Variants in HECW2 observed in about 807,000 individuals in gnomAD.
HECW2 encodes the protein HECT, C2 and WW domain containing E3 ubiquitin protein ligase 2.
A neutral mutation model predicts 175.2 loss-of-function variants in HECW2; 61 were observed. That is an observed-to-expected ratio of 0.35 (90% CI 0.28 to 0.43). The LOEUF is 0.43. HECW2 is among the 20% of genes least tolerant of loss of function. HECW2 has a pLI of 1.00. For missense variants in HECW2, 1,524 were observed against 2,000.5 expected, an observed-to-expected ratio of 0.76 and a Z score of 4.54; for synonymous variants, 671 against 731.0, an observed-to-expected ratio of 0.92 and a Z score of 1.32.
intron 2 of HECW2, among the ~76,000 whole-genome samples, chr2:196,391,756 G>A (rs1481517755): frequency 2.0e-5 from 3 of 152,164 alleles, no homozygotes; most frequent in Non-Finnish European, 4.4e-5. Context: ...CATACTTCCA[G>A]AATCTAGAAG....
rs1218784348 is a variant in HECW2, at chr2:196,343,650, T to C, written c.400+7A>G. 6.4e-7 allele frequency: 1 copy of C among 1,563,430 alleles called. No individual in the cohort carries two copies. Among genetic ancestry groups the C allele is most frequent in the Admixed American group, 1.7e-5 (1 of 59,834 alleles). ...AATAAGTTTATATTTCACACTTAGTTACTTACGTTCCATGAAATAGGGCCC... is the reference window on the plus strand; with the variant it reads ...AATAAGTTTATATTTCACACTTAGTCACTTACGTTCCATGAAATAGGGCCC... On this transcript the variant is annotated splice_region_variant and intron_variant, in intron 3 of 28. Transcript: ENST00000644978.
intron 1 of HECW2, among the ~76,000 whole-genome samples, chr2:196,555,079 G>A (rs371809788): frequency 2.6e-5 from 4 of 152,190 alleles, no homozygotes; most frequent in Admixed American, 2.0e-4. Context: ...GATAAATATG[G>A]CCTAAAATAG....
chr2:196,362,122 A>G, intron 2 of HECW2: 1 of 985,314 alleles, frequency 1.0e-6, no homozygotes, highest in Non-Finnish European at 1.2e-6. Flanking sequence ...TATGAATGAC[A>G]CTAAAAGCCA....
chr2:196,299,527 A>T (rs1001737746), intron 13 of HECW2, among the ~76,000 whole-genome samples: 2 of 152,210 alleles, frequency 1.3e-5, no homozygotes, highest in Non-Finnish European at 2.9e-5. Context: ...AAAACAAAGC[A>T]AAATAAAAAC....
Position 196,236,350 on chromosome 2 carries a change from GT to G in HECW2, c.3764+4098del, listed in dbSNP as rs1422097242. On this transcript the variant is annotated intron_variant, in intron 21 of 28. Transcript: ENST00000644978. ...GACTGCATATTTTCTTTTAATAAAT[GT>G]TTTGTTTTAGAATAGGTTTTAACTT... is the stretch of plus-strand genomic sequence containing the variant. Among the ~76,000 whole-genome samples, 8 of 152,282 alleles carry G rather than the reference GT, an allele frequency of 5.3e-5. No homozygotes were observed. In the East Asian group the frequency reaches 1.2e-3, roughly 22 times the overall value.
intron 13 of HECW2, among the ~76,000 whole-genome samples, chr2:196,303,951 T>G (rs1388885213): frequency 6.6e-6 from 1 of 152,010 alleles, no homozygotes; most frequent in Non-Finnish European, 1.5e-5. Context: ...GCTAACTGCG[T>G]TAGCCCAAGC....
At chr2:196,207,975 A>G (rs990285860) in intron 28 of HECW2, among the ~76,000 whole-genome samples, 65 of 152,240 alleles carry the variant, frequency 4.3e-4, no homozygotes, top group African/African-American at 1.5e-3. Flanking sequence ...TAAAGAGGGT[A>G]CATACTTTTC....
chr2:196,308,431 G>A (rs1575393939), intron 10 of HECW2, among the ~76,000 whole-genome samples: 1 of 152,226 alleles, frequency 6.6e-6, no homozygotes, highest in African/African-American at 2.4e-5. Flanking sequence ...ACGTCAAAAT[G>A]GGTATTGATG....
chr2:196,437,334 G>A (rs1254110537), intron 1 of HECW2, among the ~76,000 whole-genome samples: 1 of 151,870 alleles, frequency 6.6e-6, no homozygotes, highest in Non-Finnish European at 1.5e-5. Flanking sequence ...TGCACCAGCC[G>A]GGCGCAGTGG....
chr2:196,311,316 T>C (rs141650979), intron 10 of HECW2, among the ~76,000 whole-genome samples: 1 of 152,348 alleles, frequency 6.6e-6, no homozygotes, highest in Non-Finnish European at 1.5e-5. Context: ...AGAATCAGAC[T>C]ATCTGAAGCT....
intron 2 of HECW2, among the ~76,000 whole-genome samples, chr2:196,401,314 T>A (rs1406815342): frequency 6.6e-6 from 1 of 152,210 alleles, no homozygotes; most frequent in Non-Finnish European, 1.5e-5. Flanking sequence ...GATGGATTGA[T>A]GTCTAAGGCA....
At chr2:196,240,330 T>G in intron 21 of HECW2, 119 bp downstream of exon 21, 4 of 633,050 alleles carry the variant, frequency 6.3e-6, no homozygotes, top group Non-Finnish European at 7.9e-6. Context: ...TTTAAGTGTA[T>G]GAGAACAGCA....
At chr2:196,518,322 G>C (rs992578327) in intron 1 of HECW2, among the ~76,000 whole-genome samples, 1 of 152,138 alleles carries the variant, frequency 6.6e-6, no homozygotes, top group Non-Finnish European at 1.5e-5. Context: ...GCTAAGTAAT[G>C]ATGGCTCACT....
chr2:196,360,111 A>C (rs1312189120), intron 2 of HECW2, among the ~76,000 whole-genome samples: 2 of 152,164 alleles, frequency 1.3e-5, no homozygotes, highest in Admixed American at 1.3e-4. Context: ...TCTCTAAAAA[A>C]AAATTACACA....
At chr2:196,393,712 T>G (rs1694579616) in intron 2 of HECW2, among the ~76,000 whole-genome samples, 1 of 152,206 alleles carries the variant, frequency 6.6e-6, no homozygotes, top group Non-Finnish European at 1.5e-5. Context: ...GGTGGGATTG[T>G]AAACTAGCTT....
At chr2:196,240,194 G>A in intron 21 of HECW2, 1 of 299,634 alleles carries the variant, frequency 3.3e-6, no homozygotes, top group Non-Finnish European at 6.1e-6. Context: ...GAGGTCCGGA[G>A]AGAAGAAACT....
intron 2 of HECW2, among the ~76,000 whole-genome samples, chr2:196,383,109 T>C (rs1349240956): frequency 6.6e-6 from 1 of 152,082 alleles, no homozygotes. Context: ...GAGCCAGATA[T>C]AGATAAGTTG....
intron 2 of HECW2, among the ~76,000 whole-genome samples, chr2:196,407,811 G>A (rs1461077367): frequency 2.0e-5 from 3 of 152,198 alleles, no homozygotes; most frequent in Non-Finnish European, 4.4e-5. Context: ...ATAAAATAAA[G>A]TTGATGTTTT....
intron 16 of HECW2, among the ~76,000 whole-genome samples, chr2:196,271,583 C>T (rs565121353): frequency 6.6e-5 from 10 of 152,226 alleles, no homozygotes; most frequent in South Asian, 2.1e-4. Flanking sequence ...CCACTGTGCC[C>T]GGCCTATAAA....
Sources: allele counts gnomAD v4.1 joint callset (sites outside exome capture counted in the v4.1 genomes callset), GRCh38; gene constraint gnomAD v4.1.1; transcripts MANE v1.5; gene names NCBI Gene and HGNC (gene_info 2026-07-23, HGNC 2026-07-21).